Variants in TMEM245 observed in about 807,000 individuals in gnomAD.
The protein encoded by TMEM245 is protein CG-2.
Under a neutral mutation model 101.2 loss-of-function variants are expected in TMEM245, and 69 were observed. The observed-to-expected ratio is 0.68, with a 90% CI of 0.56 to 0.83. The LOEUF (loss-of-function observed/expected upper bound fraction) is 0.83, where lower values mean the gene tolerates loss of function less well. Among genes scored for constraint, TMEM245 ranks in the 40% least tolerant of loss-of-function variants. TMEM245 has a pLI of 0.00. For synonymous variants in TMEM245, 537 were observed against 449.8 expected, an observed-to-expected ratio of 1.19 and a Z score of -2.45; for missense variants, 1,075 against 1,092.8, an observed-to-expected ratio of 0.98 and a Z score of 0.23.
chr9:109,036,143 TA>T (rs34730476), intron 16 of TMEM245, 62 bp downstream of exon 16: 266,788 of 1,200,614 alleles, frequency 0.22, 6,005 homozygotes, highest in South Asian at 0.32. Context: ...AATCCTCCTT[TA>T]AAAAAAAAAA....
intron 10 of TMEM245, among the ~76,000 whole-genome samples, chr9:109,061,297 C>A (rs1292866774): frequency 2.6e-5 from 4 of 151,932 alleles, no homozygotes; most frequent in Admixed American, 2.6e-4. Context: ...GCCTGAGTAA[C>A]AGAGTAAGAC....
chr9:109,110,193 C>A (rs567239750), intron 1 of TMEM245, among the ~76,000 whole-genome samples: 1 of 152,132 alleles, frequency 6.6e-6, no homozygotes, highest in Non-Finnish European at 1.5e-5. Context: ...AATTTGAGAT[C>A]TGATTGCAGA....
intron 16 of TMEM245, among the ~76,000 whole-genome samples, chr9:109,034,985 C>T (rs1828074997): frequency 6.6e-6 from 1 of 151,502 alleles, no homozygotes; most frequent in African/African-American, 2.4e-5. Flanking sequence ...GGTGAAATCC[C>T]ATCTCTAGTA....
chr9:109,118,340 C>T (rs1564217706), intron 1 of TMEM245, among the ~76,000 whole-genome samples: 1 of 152,194 alleles, frequency 6.6e-6, no homozygotes, highest in Admixed American at 6.5e-5. Flanking sequence ...TTAATGACGT[C>T]AAGGTACACT....
intron 4 of TMEM245, among the ~76,000 whole-genome samples, chr9:109,092,823 C>T (rs1487556450): frequency 7.9e-5 from 12 of 152,174 alleles, no homozygotes; most frequent in Non-Finnish European, 1.5e-5. Context: ...CAGCTGGATT[C>T]CTCAGGAGCC....
At chr9:109,025,476 G>C (rs1827766817) in intron 17 of TMEM245, among the ~76,000 whole-genome samples, 1 of 152,184 alleles carries the variant, frequency 6.6e-6, no homozygotes, top group Non-Finnish European at 1.5e-5. Flanking sequence ...ATCTTCCCTA[G>C]AGAAAGATAA....
rs377138082 is a variant in TMEM245 at position 109,075,529 on chromosome 9, A to T, written c.1450-2091T>A. Among the ~76,000 whole-genome samples the T allele has an allele frequency of 1.4e-4, 21 of 152,262 alleles. No homozygotes were observed. The South Asian group carries it at 3.7e-3, about 27-fold the overall frequency. Reference sequence around the variant, plus strand: ...AGGAAGAATTTCAAACACTAATTCAATTTCTTGTCCTCATAGTGGGCTACA... The same window carrying T: ...AGGAAGAATTTCAAACACTAATTCATTTTCTTGTCCTCATAGTGGGCTACA... On this transcript the variant is annotated intron_variant, in intron 8 of 17. Coordinates refer to ENST00000374586, the MANE Select transcript of TMEM245 (RefSeq NM_032012.4).
chr9:109,043,866 C>G (rs1376738496), intron 14 of TMEM245, among the ~76,000 whole-genome samples: 1 of 152,160 alleles, frequency 6.6e-6, no homozygotes, highest in Non-Finnish European at 1.5e-5. Flanking sequence ...TCCAGCTATG[C>G]CCCACCTAAG....
At chr9:109,118,677 C>A (rs535309007) in intron 1 of TMEM245, among the ~76,000 whole-genome samples, 2 of 152,192 alleles carry the variant, frequency 1.3e-5, no homozygotes, top group South Asian at 2.1e-4. Context: ...CCAGTCCCTG[C>A]ACAACAAAAG....
chr9:109,067,917 C>T (rs1829216592), intron 9 of TMEM245, among the ~76,000 whole-genome samples: 1 of 152,178 alleles, frequency 6.6e-6, no homozygotes, highest in Non-Finnish European at 1.5e-5. Context: ...ACAAGGTCAA[C>T]TGCCCTCCTG....
intron 10 of TMEM245, among the ~76,000 whole-genome samples, chr9:109,063,265 G>A (rs1251882821): frequency 2.6e-5 from 4 of 151,936 alleles, no homozygotes; most frequent in Non-Finnish European, 4.4e-5. Context: ...GATTACAGGC[G>A]TGCGCAACCA....
rs200429440 is a variant in TMEM245 at position 109,033,307 on chromosome 9, C to T, written c.2594G>A (p.Arg865Gln). The T allele has an allele frequency of 2.2e-5, 36 of 1,601,936 alleles. No individual in the cohort carries two copies. In the African/African-American group the frequency reaches 2.4e-4, roughly 11 times the overall value. ...NQTPWPAQPQ[R>Q]TFRDISEDLK... ...TTATGATTATTCTGCTTTAACTCAC[C>T]GCTGAGGCTGAGCAGGCCATGGGGT... The change falls in exon 17 of 18, where the codon CGG becomes CAG. Residue 865 changes from arginine to glutamine, a missense_variant and splice_region_variant. Physicochemically the swap from Arg to Gln is conservative, Grantham distance 43. Around this residue, in one of 2 missense-constraint regions of TMEM245, gnomAD observed 267 missense variants for 351.3 expected, o/e 0.76. Transcript: ENST00000374586.
At chr9:109,074,814 G>T (rs10979681) in intron 8 of TMEM245, among the ~76,000 whole-genome samples, 2 of 152,082 alleles carry the variant, frequency 1.3e-5, no homozygotes, top group Admixed American at 1.3e-4. Flanking sequence ...CAATTCTATC[G>T]GGCCCCAGAA....
intron 12 of TMEM245, among the ~76,000 whole-genome samples, chr9:109,055,732 T>A (rs1044033239): frequency 2.0e-5 from 3 of 151,962 alleles, no homozygotes; most frequent in Non-Finnish European, 4.4e-5. Flanking sequence ...CCTCCCAGAT[T>A]CAAGCGATTC....
intron 3 of TMEM245, among the ~76,000 whole-genome samples, chr9:109,097,813 T>C (rs551981416): frequency 6.6e-6 from 1 of 152,068 alleles, no homozygotes; most frequent in African/African-American, 2.4e-5. Flanking sequence ...CCCAGCTACT[T>C]GGGAGGCTGA....
At chr9:109,078,597 G>A (rs1829584259) in intron 8 of TMEM245, among the ~76,000 whole-genome samples, 1 of 152,178 alleles carries the variant, frequency 6.6e-6, no homozygotes, top group Non-Finnish European at 1.5e-5. Context: ...TGTTTATTAA[G>A]AGAATTAAGT....
At chr9:109,113,227 T>C (rs1830616999) in intron 1 of TMEM245, among the ~76,000 whole-genome samples, 1 of 152,222 alleles carries the variant, frequency 6.6e-6, no homozygotes, top group South Asian at 2.1e-4. Flanking sequence ...ATAACAAAAA[T>C]AAGGATTTGT....
In TMEM245 at chr9:109,017,693, G is replaced by T. The variant is rs150120875; in HGVS notation, c.*2767C>A. On this transcript the variant is annotated 3_prime_UTR_variant, in exon 18 of 18. Transcript: ENST00000374586. The stretch of plus-strand genomic sequence containing the variant: ...AATGACTTCTACTTCATCAACGTAC[G>T]GTCTGTTCCTGAAGAAACTTCCTCT... The T allele has an allele frequency of 6.6e-6, 1 of 152,132 alleles. No individual in the cohort carries two copies. The highest frequency in any genetic ancestry group is 1.5e-5 in the Non-Finnish European group (1 of 68,026). The allele number at this position is 152,132 out of a possible 1,614,324, so 9.4% of individuals were successfully genotyped here.
chr9:109,024,838 C>G (rs1412351753), intron 17 of TMEM245, among the ~76,000 whole-genome samples: 2 of 152,190 alleles, frequency 1.3e-5, no homozygotes, highest in African/African-American at 4.8e-5. Flanking sequence ...TCTGACAGGG[C>G]AAATTAATGT....
Sources: gnomAD v4.1 joint callset for allele counts (sites outside exome capture counted in the v4.1 genomes callset) on GRCh38, gnomAD v4.1.1 for gene constraint, gnomAD v4.1.1 regional missense constraint, MANE v1.5 for transcripts, NCBI Gene and HGNC (gene_info 2026-07-23, HGNC 2026-07-21) for gene names.